The following BCAS3 variants were observed in gnomAD, a reference collection of about 807,000 sequenced individuals.
BCAS3 encodes the protein BCAS4/BCAS3 fusion.
A neutral mutation model predicts 116.1 loss-of-function variants in BCAS3; 53 were observed. The observed-to-expected ratio is 0.46, with a 90% CI of 0.37 to 0.57. The LOEUF is 0.57. Among genes scored for constraint, BCAS3 ranks in the 20% least tolerant of loss-of-function variants. The probability of loss-of-function intolerance (pLI) is 0.00; values close to 1 mark genes in which losing one functional copy is unlikely to be tolerated. For missense variants in BCAS3, 917 were observed against 1,165.4 expected, an observed-to-expected ratio of 0.79 and a Z score of 3.10; for synonymous variants, 391 against 408.2, an observed-to-expected ratio of 0.96 and a Z score of 0.51.
At chr17:60,747,349 C>T in intron 6 of BCAS3, 70 bp downstream of exon 6, 1 of 1,257,880 alleles carries the variant, frequency 7.9e-7, no homozygotes, top group Admixed American at 1.9e-5. Context: ...GGACTACAGG[C>T]AGCAAGAATG....
rs1341920770 is a variant in BCAS3, at chr17:60,807,383, T to G, written c.404-621T>G. 2.6e-5 allele frequency among the ~76,000 whole-genome samples: 4 copies of G among 152,246 alleles called. No homozygotes were observed. In the South Asian group the frequency reaches 6.2e-4, roughly 24 times the overall value. ...CCTTTATTTAGTTTCGACATCAATA[T>G]TATTACTAGTTTTAGGTAATTAGTT... On this transcript the variant is annotated intron_variant, in intron 6 of 23. Coordinates refer to ENST00000407086, the MANE Select transcript of BCAS3 (RefSeq NM_017679.5).
At chr17:61,165,846 G>T (rs1274710378) in intron 22 of BCAS3, among the ~76,000 whole-genome samples, 2 of 152,250 alleles carry the variant, frequency 1.3e-5, no homozygotes, top group African/African-American at 4.8e-5. Flanking sequence ...ATACTTGAAA[G>T]AACTCAAAGA....
intron 22 of BCAS3, among the ~76,000 whole-genome samples, chr17:61,202,868 G>C (rs988905701): frequency 1.3e-5 from 2 of 152,140 alleles, no homozygotes; most frequent in African/African-American, 4.8e-5. Flanking sequence ...CATAGATTAA[G>C]TCAATTAAGT....
intron 7 of BCAS3, among the ~76,000 whole-genome samples, chr17:60,860,731 AT>A (rs1345882004): frequency 6.6e-6 from 1 of 152,100 alleles, no homozygotes; most frequent in Non-Finnish European, 1.5e-5. Context: ...TCCCACCACC[AT>A]TTATTGAATA....
intron 6 of BCAS3, among the ~76,000 whole-genome samples, chr17:60,773,614 A>G (rs1429146024): frequency 3.3e-5 from 5 of 150,802 alleles, no homozygotes; most frequent in African/African-American, 1.2e-4. Context: ...TCTTTAACCT[A>G]TTTTTTCATC....
chr17:60,913,073 G>C (rs2058601049), intron 12 of BCAS3, among the ~76,000 whole-genome samples: 3 of 151,896 alleles, frequency 2.0e-5, no homozygotes, highest in Admixed American at 2.0e-4. Context: ...AACTTTTTAT[G>C]ACCTTGAAAA....
In BCAS3 at chr17:61,241,222, A is replaced by C. The variant is rs566829639; in HGVS notation, c.2426-127105A>C. Among the ~76,000 whole-genome samples the C allele has an allele frequency of 1.1e-3, 170 of 152,242 alleles. No homozygotes were observed. The highest frequency in any genetic ancestry group is 3.6e-3 in the African/African-American group (151 of 41,544). ...AAAAGTCAGTGAGGACTCTGTTATT[A>C]CTACGAATTTGTAGGTTGGTATTTA... On this transcript the variant is annotated intron_variant, in intron 22 of 23. Transcript: ENST00000407086. This position sits in a 1 kb window ranked among gnomAD's most constrained non-coding sequence, Gnocchi z 4.6.
At chr17:61,342,649 G>A (rs2057246278) in intron 22 of BCAS3, among the ~76,000 whole-genome samples, 1 of 151,814 alleles carries the variant, frequency 6.6e-6, no homozygotes, top group Non-Finnish European at 1.5e-5. Flanking sequence ...CTGACCCCCT[G>A]TTACAGTCCT....
chr17:61,263,249 G>A (rs972812565), intron 22 of BCAS3, among the ~76,000 whole-genome samples: 28 of 152,208 alleles, frequency 1.8e-4, no homozygotes, highest in African/African-American at 6.8e-4. Context: ...AGCACTGTTA[G>A]CACCCCTGGG....
chr17:61,338,999 T>C (rs1174437325), intron 22 of BCAS3, among the ~76,000 whole-genome samples: 1 of 151,770 alleles, frequency 6.6e-6, no homozygotes, highest in African/African-American at 2.4e-5. Context: ...ACCCCATTTC[T>C]TAGTGGGCCA....
Position 61,392,533 on chromosome 17 carries a change from G to T in BCAS3, c.*408G>T. ...CCACCTGGCCATTTTGACCCTGAGT[G>T]GACAGTCACAGCCTCAGCTCATGTC... is the stretch of plus-strand genomic sequence containing the variant. On this transcript the variant is annotated 3_prime_UTR_variant, in exon 24 of 24. Coordinates refer to ENST00000407086, the MANE Select transcript of BCAS3 (RefSeq NM_017679.5). The surrounding 1 kb of genome is among the most constrained non-coding windows in gnomAD (Gnocchi z 6.4). 1 of 167,018 alleles carries T rather than the reference G, an allele frequency of 6.0e-6. No individual in the cohort carries two copies. The highest frequency in any genetic ancestry group is 1.7e-4 in the South Asian group (1 of 5,952). 10.3% of individuals were successfully genotyped at this position (167,018 alleles called of 1,614,324 possible). A position where few individuals can be genotyped will look rare whatever the true frequency, so the allele number is the denominator to read the frequency against.
chr17:61,062,517 T>C (rs1237534375), intron 19 of BCAS3, among the ~76,000 whole-genome samples: 2 of 152,228 alleles, frequency 1.3e-5, no homozygotes, highest in Non-Finnish European at 2.9e-5. Context: ...TTAATGTACA[T>C]ACAGTGCAGT....
intron 22 of BCAS3, among the ~76,000 whole-genome samples, chr17:61,179,747 A>C (rs1186816833): frequency 6.6e-6 from 1 of 152,162 alleles, no homozygotes. Context: ...AAGCAGAAAG[A>C]CCGAATCTGT....
Position 61,144,290 on chromosome 17 carries a change from A to C in BCAS3, c.2425+59726A>C, listed in dbSNP as rs761992945. The stretch of plus-strand genomic sequence containing the variant: ...ACACAACTATCAGCAAATCCATATA[A>C]GGCAAGTGACTCCCTACCATCTCCT... On this transcript the variant is annotated intron_variant, in intron 22 of 23. Coordinates refer to ENST00000407086, the MANE Select transcript of BCAS3 (RefSeq NM_017679.5). This position sits in a 1 kb window ranked among gnomAD's most constrained non-coding sequence, Gnocchi z 5.0. 5.9e-5 allele frequency among the ~76,000 whole-genome samples: 9 copies of C among 152,266 alleles called. No individual in the cohort carries two copies. The highest frequency in any genetic ancestry group is 1.0e-4 in the Non-Finnish European group (7 of 68,016).
chr17:61,072,867 C>T (rs544093126), intron 19 of BCAS3, among the ~76,000 whole-genome samples: 1 of 152,204 alleles, frequency 6.6e-6, no homozygotes, highest in East Asian at 1.9e-4. Context: ...CCCTTGGTCA[C>T]ACCTCTCCTT....
intron 14 of BCAS3, among the ~76,000 whole-genome samples, chr17:60,951,764 CTTTTT>C (rs769133578): frequency 6.4e-5 from 7 of 109,504 alleles, no homozygotes; most frequent in Admixed American, 1.0e-4. Context: ...TCTTTTCTTT[CTTTTT>C]TTTTTTTTTT....
chr17:61,237,786 C>T lies in BCAS3; in HGVS notation c.2426-130541C>T, dbSNP rs367907101. Among the ~76,000 whole-genome samples the T allele has an allele frequency of 5.9e-4, 90 of 152,338 alleles. 1 individual carries two copies. The East Asian group carries it at 9.3e-3, about 16-fold the overall frequency. On this transcript the variant is annotated intron_variant, in intron 22 of 23. Transcript: ENST00000407086. ...GAAATCTGGACTGACCGTAGACCCC[C>T]AGCTCTTAACTGCTTTTTGTATTAC...
intron 14 of BCAS3, among the ~76,000 whole-genome samples, chr17:60,951,005 T>C (rs11079406): frequency 0.21 from 32,368 of 152,164 alleles, 4,258 homozygotes; most frequent in African/African-American, 0.38. Flanking sequence ...AATTACATTT[T>C]AATACAGTTA....
intron 22 of BCAS3, among the ~76,000 whole-genome samples, chr17:61,155,379 T>C (rs1465782300): frequency 6.6e-6 from 1 of 152,168 alleles, no homozygotes; most frequent in Non-Finnish European, 1.5e-5. Context: ...GTGCTTTATT[T>C]TTTGTGATTT....
Sources: gnomAD v4.1 joint callset for allele counts (sites outside exome capture counted in the v4.1 genomes callset) on GRCh38, gnomAD v4.1.1 for gene constraint, Gnocchi (gnomAD v3.1) non-coding constraint, MANE v1.5 for transcripts, NCBI Gene and HGNC (gene_info 2026-07-23, HGNC 2026-07-21) for gene names.